SLC18B1: variants seen among roughly 807,000 people sequenced by gnomAD.
The protein encoded by SLC18B1 is solute carrier family 18 member B1.
A neutral mutation model predicts 53.9 loss-of-function variants in SLC18B1; 62 were observed. The ratio of observed to expected loss-of-function variants is 1.15; its 90% CI spans 0.94 to 1.42. The LOEUF is 1.42. Ranked by LOEUF, SLC18B1 falls within the 40% of genes most tolerant of loss-of-function variation. SLC18B1 has a pLI of 0.00. For missense variants in SLC18B1, 598 were observed against 547.3 expected (o/e 1.09, Z -0.93); for synonymous variants, 217 against 200.9 (o/e 1.08, Z -0.68).
chr6:132,787,224 G>A (rs1781399573), intron 5 of SLC18B1, among the ~76,000 whole-genome samples: 1 of 152,094 alleles, frequency 6.6e-6, no homozygotes, highest in South Asian at 2.1e-4. Context: ...CCCATTCAGG[G>A]AATTCTAAAA....
At position 132,779,386 on chromosome 6, in the gene SLC18B1, T is replaced by G; in HGVS notation, c.677A>C (p.His226Pro). ...TAAAGCGATCAGTTTCCAGAATGAG[T>G]GTTCACCTGGATCAGACTCTTTAGG... is the stretch of plus-strand genomic sequence containing the variant. ...LPNYESDPGE[H>P]SFWKLIALPK... is the part of the protein sequence containing the mutation. Residue 226 changes from histidine to proline, a missense_variant, in exon 7 of 14, where the codon CAC (histidine) becomes CCC (proline). By Grantham distance (77) the His-to-Pro change is moderately conservative (BLOSUM62 -2). Transcript: ENST00000275227. 6.2e-7 allele frequency: 1 copy of G among 1,610,314 alleles called. No homozygotes were observed. The highest frequency in any genetic ancestry group is 8.5e-7 in the Non-Finnish European group (1 of 1,177,230).
chr6:132,798,032 T>A (rs1781744662), intron 1 of SLC18B1, among the ~76,000 whole-genome samples: 1 of 151,952 alleles, frequency 6.6e-6, no homozygotes, highest in Non-Finnish European at 1.5e-5. Context: ...CATGAGGAAG[T>A]CTTACGAATC....
chr6:132,786,092 A>T (rs1781363160), intron 5 of SLC18B1, among the ~76,000 whole-genome samples: 1 of 152,110 alleles, frequency 6.6e-6, no homozygotes, highest in African/African-American at 2.4e-5. Flanking sequence ...AACTTGCTTA[A>T]CCATAAACCC....
rs1781402901 is a variant in SLC18B1, at chr6:132,787,373, G to A, written c.501+61C>T. The A allele has an allele frequency of 5.6e-6, 8 of 1,437,768 alleles. No individual in the cohort carries two copies. In the South Asian group the frequency reaches 6.3e-5, roughly 11 times the overall value. The allele number at this position is 1,437,768 out of a possible 1,614,324, so 89.1% of individuals were successfully genotyped here. A position where few individuals can be genotyped will look rare whatever the true frequency, so the allele number is the denominator to read the frequency against. On this transcript the variant is annotated intron_variant, in intron 5 of 13. Coordinates refer to ENST00000275227, the MANE Select transcript of SLC18B1 (RefSeq NM_052831.3). The stretch of plus-strand genomic sequence containing the variant: ...AAGAATGGACCCCAGCTTTAACTTG[G>A]AAGGGCAAATATTTTGGCCTACACT...
rs1781571802 is a variant in SLC18B1, at chr6:132,792,368, A to AG, written c.184-2097_184-2096insC. The stretch of plus-strand genomic sequence containing the variant: ...GGAAGGAAGGAAGGGAAAGAAAGAA[A>AG]AGAAGGAAAGAAAGAGAAAGAAGGA... On this transcript the variant is annotated intron_variant, in intron 2 of 13. Coordinates refer to ENST00000275227, the MANE Select transcript of SLC18B1 (RefSeq NM_052831.3). 2.9e-5 allele frequency among the ~76,000 whole-genome samples: 4 copies of AG among 139,304 alleles called. 1 individual carries two copies. The highest frequency in any genetic ancestry group is 1.3e-4 in the African/African-American group (4 of 31,540). The allele number at this position is 139,304 out of a possible 152,430, so 91.4% of individuals were successfully genotyped here.
intron 9 of SLC18B1, among the ~76,000 whole-genome samples, 175 bp from the exon 10 acceptor site, chr6:132,773,263 G>A (rs771491734): frequency 1.2e-3 from 152 of 124,300 alleles, no homozygotes; most frequent in Non-Finnish European, 2.0e-3. Flanking sequence ...GTGTCCTTTA[G>A]CTCCTTACAG....
chr6:132,779,977 C>A (rs901474995), intron 6 of SLC18B1, among the ~76,000 whole-genome samples: 1 of 152,106 alleles, frequency 6.6e-6, no homozygotes, highest in African/African-American at 2.4e-5. Context: ...TGGGGGAAAT[C>A]ACTCCCATGA....
intron 2 of SLC18B1, among the ~76,000 whole-genome samples, chr6:132,790,974 T>C (rs1258986321): frequency 6.6e-6 from 1 of 152,200 alleles, no homozygotes; most frequent in Admixed American, 6.5e-5. Flanking sequence ...TTATCATAAA[T>C]CTACTTCTTT....
At position 132,790,251 on chromosome 6, in the gene SLC18B1, T is replaced by G. The variant is rs1321748768; in HGVS notation, c.205A>C (p.Asn69His). The G allele has an allele frequency of 6.4e-6, 10 of 1,565,018 alleles. No homozygotes were observed. The part of the protein sequence containing the change: ...PKEAEKKGAS[N>H]TIIGMIFGCF... ...CCAAAGATCATACCGATAATTGTAT[T>G]GCTGGCTCCCTTCTTTTCAGCCTTT... is the stretch of plus-strand genomic sequence containing the variant. Residue 69 changes from asparagine (N) to histidine (H), a missense_variant, in exon 3 of 14, where the codon AAT (asparagine) becomes CAT (histidine). Asn to His is a moderately conservative substitution (Grantham distance 68). Transcript: ENST00000275227.
At chr6:132,793,142 A>T (rs1781592297) in intron 2 of SLC18B1, among the ~76,000 whole-genome samples, 1 of 152,134 alleles carries the variant, frequency 6.6e-6, no homozygotes, top group African/African-American at 2.4e-5. Flanking sequence ...ATAAATAAAT[A>T]AGCAATTTCT....
At chr6:132,794,617 G>C in intron 2 of SLC18B1, among the ~76,000 whole-genome samples, 1 of 151,998 alleles carries the variant, frequency 6.6e-6, no homozygotes. Context: ...TGTTCCCCAG[G>C]AACATGCCAT....
At chr6:132,780,942 G>A (rs761374876) in intron 6 of SLC18B1, among the ~76,000 whole-genome samples, 1 of 152,148 alleles carries the variant, frequency 6.6e-6, no homozygotes, top group Non-Finnish European at 1.5e-5. Flanking sequence ...TACAGAAACT[G>A]CAGGATGTAG....
chr6:132,785,897 CAAA>C (rs71545048), intron 5 of SLC18B1, among the ~76,000 whole-genome samples: 194 of 81,146 alleles, frequency 2.4e-3, no homozygotes, highest in African/African-American at 8.2e-3. Context: ...CCTGTCTCTA[CAAA>C]AAAAAAAAAA....
At chr6:132,789,626 C>T in intron 4 of SLC18B1, 138 bp downstream of exon 4, 1 of 658,968 alleles carries the variant, frequency 1.5e-6, no homozygotes, top group Non-Finnish European at 2.7e-6. Flanking sequence ...ACTTACTCAA[C>T]TCCTGCCATT....
intron 6 of SLC18B1, among the ~76,000 whole-genome samples, chr6:132,780,966 G>C (rs1257328934): frequency 2.0e-5 from 3 of 152,172 alleles, no homozygotes; most frequent in African/African-American, 7.2e-5. Flanking sequence ...GACTTAGAAA[G>C]AGGAGAAACA....
chr6:132,798,236 T>C (rs1056377803), intron 1 of SLC18B1, among the ~76,000 whole-genome samples, 178 bp downstream of exon 1: 1 of 152,200 alleles, frequency 6.6e-6, no homozygotes, highest in Non-Finnish European at 1.5e-5. Context: ...TATCCAATCC[T>C]GGAACTTTAC....
chr6:132,793,618 C>T (rs1781602181), intron 2 of SLC18B1, among the ~76,000 whole-genome samples: 1 of 152,200 alleles, frequency 6.6e-6, no homozygotes, highest in Non-Finnish European at 1.5e-5. Flanking sequence ...TATTACATTC[C>T]TTAAATGATA....
chr6:132,776,457 A>G (rs185882149), intron 7 of SLC18B1, 28 bp from the exon 8 acceptor site: 27 of 1,547,718 alleles, frequency 1.7e-5, no homozygotes, highest in Admixed American at 1.0e-4. Flanking sequence ...TATTAAAGTT[A>G]CATAATTAAG....
At chr6:132,770,782 G>A in intron 13 of SLC18B1, 108 bp downstream of exon 13, 2 of 1,070,638 alleles carry the variant, frequency 1.9e-6, no homozygotes, top group African/African-American at 1.6e-5. Flanking sequence ...GAGCCTCAGA[G>A]TGCTTAGAAA....
Sources: allele counts gnomAD v4.1 joint callset (sites outside exome capture counted in the v4.1 genomes callset), GRCh38; gene constraint gnomAD v4.1.1; transcripts MANE v1.5; gene names NCBI Gene and HGNC (gene_info 2026-07-23, HGNC 2026-07-21).